The following CPS1 variants were observed in gnomAD, a reference collection of about 807,000 sequenced individuals.
CPS1 encodes carbamoyl-phosphate synthase 1, also known as carbamoyl-phosphate synthase [ammonia], mitochondrial.
In CPS1, 109 loss-of-function variants were observed where a neutral mutation model predicts 174.6. The observed-to-expected ratio is 0.62, with a 90% confidence interval of 0.53 to 0.73. CPS1 has a LOEUF of 0.73. Ranked by LOEUF, CPS1 falls within the 30% of genes least tolerant of loss-of-function variation. The pLI is 0.00. For synonymous variants in CPS1, 637 were observed against 632.0 expected (o/e 1.01, Z -0.12); for missense variants, 1,689 against 1,821.9 (o/e 0.93, Z 1.33).
At chr2:210,579,817 TG>T (rs1227393249) in intron 5 of CPS1, 47 bp downstream of exon 5, 1 of 1,418,688 alleles carries the variant, frequency 7.0e-7, no homozygotes, top group Non-Finnish European at 9.9e-7. Context: ...CGGGTGTGTG[TG>T]TGTGTGTGTG....
At chr2:210,558,216 T>C (rs1696981667) in intron 1 of CPS1, among the ~76,000 whole-genome samples, 2 of 152,066 alleles carry the variant, frequency 1.3e-5, no homozygotes, top group South Asian at 4.1e-4. Context: ...TTTATGTTGT[T>C]ACATATTCCA....
At chr2:210,533,824 G>A (rs2664231) in intron 1 of CPS1, among the ~76,000 whole-genome samples, 1 of 151,880 alleles carries the variant, frequency 6.6e-6, no homozygotes, top group Non-Finnish European at 1.5e-5. Flanking sequence ...GGCCTACCAG[G>A]GGGCATTAAT....
chr2:210,501,487 C>T lies in CPS1; in HGVS notation c.3+23721C>T, dbSNP rs574134188. 1.2e-4 allele frequency among the ~76,000 whole-genome samples: 19 copies of T among 152,294 alleles called. No individual in the cohort carries two copies. In the South Asian group the frequency reaches 3.5e-3, roughly 28 times the overall value. On this transcript the variant is annotated intron_variant, in intron 1 of 38. Transcript: ENST00000430249. ...AATGCTTTTAACAGCACCCAAGTCA[C>T]TTCTTGAATGCTTTGCTGCTTAGAA...
intron 33 of CPS1, among the ~76,000 whole-genome samples, chr2:210,666,492 T>C (rs1461443497): frequency 6.6e-6 from 1 of 152,130 alleles, no homozygotes. Flanking sequence ...CCATCTTGAA[T>C]TAATTTTTGT....
intron 21 of CPS1, among the ~76,000 whole-genome samples, chr2:210,634,065 A>G (rs2105890965): frequency 6.6e-6 from 1 of 152,332 alleles, no homozygotes; most frequent in Admixed American, 6.5e-5. Flanking sequence ...CAAATGAGCA[A>G]TTGGTTTGGG....
Position 210,639,162 on chromosome 2 carries a change from G to A in CPS1, c.2842G>A (p.Ala948Thr). Residue 948 changes from alanine to threonine, a missense_variant, in exon 23 of 38, where the codon GCT (alanine) becomes ACT (threonine). Physicochemically the swap from Ala to Thr is moderately conservative, Grantham distance 58 (BLOSUM62 0). Coordinates refer to ENST00000233072, the MANE Select transcript of CPS1 (RefSeq NM_001875.5). ...TTTTCTCTTACAGATTGATACACTG[G>A]CTGCAGAATACCCATCAGTAACAAA... ...HPWVKQIDTLAAEYPSVTNYL... is the reference protein window; with the variant it reads ...HPWVKQIDTLTAEYPSVTNYL... The A allele has an allele frequency of 6.2e-7, 1 of 1,612,320 alleles. No homozygotes were observed. Among genetic ancestry groups the A allele is most frequent in the South Asian group, 1.1e-5 (1 of 90,990 alleles).
chr2:210,500,700 C>G (rs753848303), intron 1 of CPS1, among the ~76,000 whole-genome samples: 3 of 152,210 alleles, frequency 2.0e-5, no homozygotes, highest in Non-Finnish European at 4.4e-5. Flanking sequence ...GCAGGCTCCT[C>G]CCAGCTGTTT....
At chr2:210,550,637 C>G (rs560092119) in intron 1 of CPS1, among the ~76,000 whole-genome samples, 1 of 151,966 alleles carries the variant, frequency 6.6e-6, no homozygotes, top group East Asian at 1.9e-4. Context: ...ATCAGTGGAG[C>G]CAATAGAACA....
intron 1 of CPS1, among the ~76,000 whole-genome samples, chr2:210,539,211 C>G (rs1272398085): frequency 6.6e-6 from 1 of 152,106 alleles, no homozygotes; most frequent in Non-Finnish European, 1.5e-5. Flanking sequence ...ATGGGGAACA[C>G]CTGTGAGGCA....
At chr2:210,677,717 G>C (rs1365351367) in intron 37 of CPS1, among the ~76,000 whole-genome samples, 170 bp from the exon 38 acceptor site, 3 of 152,160 alleles carry the variant, frequency 2.0e-5, no homozygotes, top group African/African-American at 7.2e-5. Context: ...AAGTCCCCAT[G>C]GTGAGGTCTG....
chr2:210,544,647 G>A lies in CPS1; in HGVS notation c.4-12072G>A, dbSNP rs561544615. ...ACTGGATTTAATTAGAATTTTCCTC[G>A]TACTAGTTTGAGAGGGTAGCTATTC... On this transcript the variant is annotated intron_variant, in intron 1 of 38. Transcript: ENST00000430249. Among the ~76,000 whole-genome samples, 14 of 152,020 alleles carry A rather than the reference G, an allele frequency of 9.2e-5. No homozygotes were observed. In the South Asian group the frequency reaches 1.0e-3, roughly 11 times the overall value.
intron 20 of CPS1, among the ~76,000 whole-genome samples, chr2:210,615,864 T>C (rs1344994214): frequency 1.3e-5 from 2 of 152,022 alleles, no homozygotes; most frequent in Non-Finnish European, 2.9e-5. Context: ...TTCAAAACAA[T>C]TTTTTATTTG....
At chr2:210,615,704 T>C (rs1699283968) in intron 20 of CPS1, among the ~76,000 whole-genome samples, 1 of 151,976 alleles carries the variant, frequency 6.6e-6, no homozygotes, top group Admixed American at 6.6e-5. Flanking sequence ...TAATGACCCA[T>C]AGTTGTAGTT....
At chr2:210,492,710 G>T (rs1375158296) in intron 1 of CPS1, among the ~76,000 whole-genome samples, 1 of 152,036 alleles carries the variant, frequency 6.6e-6, no homozygotes, top group Non-Finnish European at 1.5e-5. Flanking sequence ...TATTGCAGGG[G>T]TTCTTAAAAC....
intron 1 of CPS1, among the ~76,000 whole-genome samples, chr2:210,561,491 C>A (rs1240408577): frequency 1.3e-5 from 2 of 152,164 alleles, no homozygotes; most frequent in African/African-American, 4.8e-5. Context: ...TATTCCTCTG[C>A]CTTTACATCT....
intron 1 of CPS1, among the ~76,000 whole-genome samples, chr2:210,512,909 G>T (rs1281679554): frequency 3.0e-5 from 2 of 66,884 alleles, no homozygotes; most frequent in East Asian, 4.0e-4. Flanking sequence ...TATATATGGA[G>T]ATATATATAT....
At chr2:210,559,880 A>G (rs1272329497) in intron 1 of CPS1, among the ~76,000 whole-genome samples, 1 of 152,190 alleles carries the variant, frequency 6.6e-6, no homozygotes, top group Non-Finnish European at 1.5e-5. Flanking sequence ...TTAAAGTTTT[A>G]AATTTAAACC....
chr2:210,486,953 G>A (rs964847422), intron 1 of CPS1, among the ~76,000 whole-genome samples: 2 of 149,680 alleles, frequency 1.3e-5, no homozygotes, highest in African/African-American at 5.1e-5. Context: ...TTGTTTCCAG[G>A]AACCAAGCCT....
rs758284130 is a variant in CPS1 at position 210,576,334 on chromosome 2, A to G, written c.237-12A>G. 6 of 1,613,352 alleles carry G rather than the reference A, an allele frequency of 3.7e-6. No homozygotes were observed. Among genetic ancestry groups the G allele is most frequent in the South Asian group, 1.1e-5 (1 of 91,080 alleles). ...CATTATTTGCTGATAATTTTTTGGCATGTTTACCCAGGTACCCAGAAGCTA... is the reference window on the plus strand; with the variant it reads ...CATTATTTGCTGATAATTTTTTGGCGTGTTTACCCAGGTACCCAGAAGCTA... On this transcript the variant is annotated splice_polypyrimidine_tract_variant and intron_variant, in intron 2 of 37. Transcript: ENST00000233072.
Sources: gnomAD v4.1 joint callset for allele counts (sites outside exome capture counted in the v4.1 genomes callset) on GRCh38, gnomAD v4.1.1 for gene constraint, MANE v1.5 for transcripts, NCBI Gene and HGNC (gene_info 2026-07-23, HGNC 2026-07-21) for gene names.